CNTN5: variants seen among roughly 807,000 people sequenced by gnomAD.
The protein encoded by CNTN5 is contactin-5.
In CNTN5, 77 loss-of-function variants were observed where a neutral mutation model predicts 129.1. The ratio of observed to expected loss-of-function variants is 0.60; its 90% CI spans 0.50 to 0.72. The LOEUF (loss-of-function observed/expected upper bound fraction) is 0.72, where lower values mean the gene tolerates loss of function less well. Among genes scored for constraint, CNTN5 ranks in the 30% least tolerant of loss-of-function variants. CNTN5 has a pLI of 0.00. For missense variants in CNTN5, 1,478 were observed against 1,328.8 expected (o/e 1.11, Z -1.75); for synonymous variants, 509 against 465.6 (o/e 1.09, Z -1.20).
At chr11:99,997,168 T>C (rs771821556) in intron 8 of CNTN5, among the ~76,000 whole-genome samples, 5 of 152,220 alleles carry the variant, frequency 3.3e-5, no homozygotes, top group Non-Finnish European at 7.3e-5. Context: ...ATCAATTTTG[T>C]TGATCCTTTC....
intron 1 of CNTN5, among the ~76,000 whole-genome samples, chr11:99,149,428 C>T (rs1859940296): frequency 6.6e-6 from 1 of 152,056 alleles, no homozygotes; most frequent in African/African-American, 2.4e-5. Flanking sequence ...ATAAAAATTG[C>T]TAGTTTTTAG....
intron 3 of CNTN5, among the ~76,000 whole-genome samples, chr11:99,658,289 ATAAT>A (rs144039204): frequency 0.011 from 1,626 of 152,264 alleles, 34 homozygotes; most frequent in African/African-American, 0.036. Context: ...AAACTTTTAA[ATAAT>A]TGATAATACA....
At chr11:99,623,393 G>T (rs531645308) in intron 3 of CNTN5, among the ~76,000 whole-genome samples, 6 of 152,064 alleles carry the variant, frequency 3.9e-5, no homozygotes, top group African/African-American at 1.4e-4. Flanking sequence ...CATGAACTTG[G>T]CTCTCAGCCA....
chr11:99,813,118 T>A (rs2135526217), intron 3 of CNTN5, among the ~76,000 whole-genome samples: 1 of 152,168 alleles, frequency 6.6e-6, no homozygotes, highest in African/African-American at 2.4e-5. Context: ...TCCTAACCCA[T>A]CGTAGGCATT....
chr11:100,172,312 T>C (rs1947850508), intron 13 of CNTN5, among the ~76,000 whole-genome samples: 2 of 151,796 alleles, frequency 1.3e-5, no homozygotes, highest in African/African-American at 2.4e-5. Context: ...TTAAAAAAAG[T>C]GATTAATCAA....
chr11:100,188,447 C>G (rs1171626100), intron 13 of CNTN5, among the ~76,000 whole-genome samples: 3 of 151,960 alleles, frequency 2.0e-5, no homozygotes, highest in African/African-American at 7.3e-5. Context: ...AAAACAACAA[C>G]AAGAACAAAA....
chr11:99,360,043 A>C (rs1386296575), intron 2 of CNTN5, among the ~76,000 whole-genome samples: 2 of 151,974 alleles, frequency 1.3e-5, no homozygotes, highest in Non-Finnish European at 2.9e-5. Flanking sequence ...CTACATACTC[A>C]TAAAAATTAA....
intron 3 of CNTN5, among the ~76,000 whole-genome samples, chr11:99,692,636 C>T (rs936807625): frequency 2.0e-4 from 31 of 151,956 alleles, no homozygotes; most frequent in Admixed American, 8.5e-4. Flanking sequence ...TTTTCATGAC[C>T]TGACCTCTTT....
chr11:99,835,085 G>A (rs1947260251), intron 4 of CNTN5, among the ~76,000 whole-genome samples: 1 of 152,214 alleles, frequency 6.6e-6, no homozygotes, highest in Non-Finnish European at 1.5e-5. Context: ...CCTCCAAGGA[G>A]ACTCTGTCCT....
chr11:99,550,196 C>A (rs2135520322), intron 2 of CNTN5, among the ~76,000 whole-genome samples: 1 of 152,220 alleles, frequency 6.6e-6, no homozygotes, highest in Non-Finnish European at 1.5e-5. Context: ...GTCCAGGACA[C>A]AAAACTGTCA....
rs1858537021 is a variant in CNTN5 at position 99,189,757 on chromosome 11, C to G, written c.-209-135589C>G. 2.6e-5 allele frequency among the ~76,000 whole-genome samples: 4 copies of G among 151,414 alleles called. 1 individual carries two copies. In the South Asian group the frequency reaches 8.3e-4, roughly 31 times the overall value. The stretch of plus-strand genomic sequence containing the variant: ...TAGTCCACATTTTAATTAGGCTATT[C>G]ATTTTTTGCTGTTGAGTTTTTTGAG... On this transcript the variant is annotated intron_variant, in intron 1 of 24. Transcript: ENST00000524871.
chr11:99,759,046 C>T (rs1005843227), intron 3 of CNTN5, among the ~76,000 whole-genome samples: 5 of 151,934 alleles, frequency 3.3e-5, no homozygotes, highest in East Asian at 1.9e-4. Flanking sequence ...TATTTTAAGT[C>T]GGTACAAGTT....
intron 1 of CNTN5, among the ~76,000 whole-genome samples, chr11:99,189,238 C>T (rs951661777): frequency 2.0e-5 from 3 of 151,628 alleles, no homozygotes; most frequent in East Asian, 3.9e-4. Context: ...TACATTTATA[C>T]ATATATATAC....
At chr11:100,273,092 C>G (rs1452901992) in intron 18 of CNTN5, among the ~76,000 whole-genome samples, 1 of 152,136 alleles carries the variant, frequency 6.6e-6, no homozygotes, top group East Asian at 1.9e-4. Context: ...CTAAGCAACA[C>G]CTTAGTCTGC....
chr11:99,692,579 T>A (rs911389152), intron 3 of CNTN5, among the ~76,000 whole-genome samples: 1 of 152,154 alleles, frequency 6.6e-6, no homozygotes, highest in African/African-American at 2.4e-5. Context: ...TTCTGGTTTG[T>A]AAGGTTTCCA....
chr11:99,861,165 G>C (rs1465649037), intron 6 of CNTN5, among the ~76,000 whole-genome samples: 4 of 151,870 alleles, frequency 2.6e-5, no homozygotes, highest in Non-Finnish European at 4.4e-5. Context: ...CACTGTATTA[G>C]CCAGGATGGT....
chr11:100,063,755 T>C (rs1254185407), intron 10 of CNTN5, among the ~76,000 whole-genome samples: 1 of 150,586 alleles, frequency 6.6e-6, no homozygotes, highest in African/African-American at 2.4e-5. Context: ...AGCATGGCGT[T>C]GCACTCCTGT....
intron 9 of CNTN5, among the ~76,000 whole-genome samples, chr11:100,031,715 G>A (rs1177505846): frequency 6.6e-6 from 1 of 152,180 alleles, no homozygotes; most frequent in Non-Finnish European, 1.5e-5. Flanking sequence ...TTAAGGCTCT[G>A]TTAGAAATTA....
chr11:99,825,530 T>A (rs1946926300), intron 4 of CNTN5, among the ~76,000 whole-genome samples: 1 of 152,084 alleles, frequency 6.6e-6, no homozygotes, highest in Non-Finnish European at 1.5e-5. Flanking sequence ...TTTCTTATAA[T>A]TTTTCTCTGT....
Sources: allele counts gnomAD v4.1 joint callset (sites outside exome capture counted in the v4.1 genomes callset), GRCh38; gene constraint gnomAD v4.1.1; transcripts MANE v1.5; gene names NCBI Gene and HGNC (gene_info 2026-07-23, HGNC 2026-07-21).